The following NRXN2 variants were observed in gnomAD, a reference collection of about 807,000 sequenced individuals.
NRXN2 encodes the protein neurexin-2-beta.
Under a neutral mutation model 128.8 loss-of-function variants are expected in NRXN2, and 29 were observed. The ratio of observed to expected loss-of-function variants is 0.23; its 90% CI spans 0.17 to 0.31. The LOEUF (loss-of-function observed/expected upper bound fraction) is 0.31, where lower values mean the gene tolerates loss of function less well. NRXN2 is among the 10% of genes least tolerant of loss of function. The pLI is 1.00. For synonymous variants in NRXN2, 1,098 were observed against 1,075.2 expected (o/e 1.02, Z -0.41); for missense variants, 1,881 against 2,452.6 (o/e 0.77, Z 4.92).
chr11:64,702,650 G>A (rs1394137886), intron 2 of NRXN2, among the ~76,000 whole-genome samples: 1 of 151,738 alleles, frequency 6.6e-6, no homozygotes, highest in Non-Finnish European at 1.5e-5. Flanking sequence ...AGTACCCAGG[G>A]ACACAAACAC....
Position 64,623,109 on chromosome 11 carries a change from G to A in NRXN2, c.3848-31C>T. 6.3e-7 allele frequency: 1 copy of A among 1,578,070 alleles called. No individual in the cohort carries two copies. Among genetic ancestry groups the A allele is most frequent in the African/African-American group, 1.3e-5 (1 of 74,528 alleles). On this transcript the variant is annotated intron_variant, in intron 20 of 22. Transcript: ENST00000265459. This position sits in a 1 kb window ranked among gnomAD's most constrained non-coding sequence, Gnocchi z 4.9. ...AGGAGTGGAAGGGGGTGACAGAGAA[G>A]GGGCAGGCAGTGAGGGGAGACCAGG...
rs1259575774 is a variant in NRXN2 at position 64,713,464 on chromosome 11, TC to T, written c.235del (p.Glu79SerfsTer39). 6.5e-7 allele frequency: 1 copy of T among 1,530,756 alleles called. No individual in the cohort carries two copies. The highest frequency in any genetic ancestry group is 2.5e-5 in the East Asian group (1 of 39,258). 94.8% of individuals were successfully genotyped at this position (1,530,756 alleles called of 1,614,324 possible). A position where few individuals can be genotyped will look rare whatever the true frequency, so the allele number is the denominator to read the frequency against. On this transcript the variant is annotated frameshift_variant, in exon 2 of 23. Coordinates refer to ENST00000265459, the MANE Select transcript of NRXN2 (RefSeq NM_015080.4). LOFTEE classifies it high-confidence loss of function. ...CAGGCGGCCGTCCACCAGCAGCAGC[TC>T]CAGGAAGTCGCAGTCGCCGCCGTCG... ...LDDGGDCDFLELLLVDGRLRL... is the reference protein window; with the variant it reads ...LDDGGDCDFLXLLLVDGRLRL...
intron 7 of NRXN2, among the ~76,000 whole-genome samples, chr11:64,671,867 C>T (rs2050682405): frequency 6.6e-6 from 1 of 152,022 alleles, no homozygotes; most frequent in Admixed American, 6.6e-5. Flanking sequence ...CTCATTCCAC[C>T]ACCCATTCGC....
intron 3 of NRXN2, 154 bp from the exon 4 acceptor site, chr11:64,693,030 AACTTGTG>A (rs1340946122): frequency 2.8e-6 from 2 of 725,596 alleles, no homozygotes; most frequent in Non-Finnish European, 4.7e-6. Context: ...AACCTTTTTT[AACTTGTG>A]ACAGACATCG....
chr11:64,607,294 C>T lies in NRXN2; in HGVS notation c.5041G>A (p.Ala1681Thr). The change falls in exon 23 of 23, where the codon GCC becomes ACC. Residue 1681 changes from alanine to threonine, a missense_variant. Transcript: ENST00000265459. ...TTCACCACCGCCCCATTGCTCTGGG[C>T]CGAGTTACTGATGTAGTTTCGGCTC... is the stretch of plus-strand genomic sequence containing the variant. ...DQSRNYISNS[A>T]QSNGAVVKEK... The T allele has an allele frequency of 6.2e-7, 1 of 1,614,024 alleles. No individual in the cohort carries two copies. The highest frequency in any genetic ancestry group is 8.5e-7 in the Non-Finnish European group (1 of 1,179,958).
intron 17 of NRXN2, chr11:64,642,774 C>T: frequency 8.8e-7 from 1 of 1,141,888 alleles, no homozygotes; most frequent in East Asian, 3.7e-5. Flanking sequence ...GGCGCGGGCA[C>T]CCCCCCGGCC....
intron 2 of NRXN2, among the ~76,000 whole-genome samples, chr11:64,711,542 C>G (rs754746445): frequency 6.6e-6 from 1 of 152,084 alleles, no homozygotes; most frequent in Non-Finnish European, 1.5e-5. Context: ...CAGGACCCGC[C>G]CGCACTTCAC....
intron 5 of NRXN2, chr11:64,688,876 C>T: frequency 4.3e-6 from 4 of 929,116 alleles, no homozygotes; most frequent in Non-Finnish European, 5.1e-6. Context: ...CCTCCGCCCT[C>T]CCTACTCTCG....
intron 7 of NRXN2, among the ~76,000 whole-genome samples, chr11:64,670,465 C>T (rs1214794096): frequency 1.3e-5 from 2 of 152,066 alleles, no homozygotes; most frequent in African/African-American, 4.8e-5. Flanking sequence ...AGGGATAAGA[C>T]AGGGAGTGGG....
At chr11:64,608,981 T>TA (rs2040188172) in intron 22 of NRXN2, among the ~76,000 whole-genome samples, 1 of 151,952 alleles carries the variant, frequency 6.6e-6, no homozygotes, top group Non-Finnish European at 1.5e-5. Context: ...CTTGGAAAGC[T>TA]AATTGCAGGG....
In NRXN2 at chr11:64,615,337, G is replaced by A. The variant is rs142012858; in HGVS notation, c.4252+4957C>T. Among the ~76,000 whole-genome samples, 11 of 152,354 alleles carry A rather than the reference G, an allele frequency of 7.2e-5. No homozygotes were observed. The East Asian group carries it at 1.7e-3, about 24-fold the overall frequency. On this transcript the variant is annotated intron_variant, in intron 22 of 22. Coordinates refer to ENST00000265459, the MANE Select transcript of NRXN2 (RefSeq NM_015080.4). Reference sequence around the variant, plus strand: ...ACACTTGTTTATAACTTACATGAATGAGAAATACATTTCTATGTGTTAAAC... The same window carrying A: ...ACACTTGTTTATAACTTACATGAATAAGAAATACATTTCTATGTGTTAAAC...
chr11:64,664,043 G>A (rs189141512), intron 9 of NRXN2, among the ~76,000 whole-genome samples: 27 of 152,206 alleles, frequency 1.8e-4, no homozygotes, highest in African/African-American at 6.5e-4. Flanking sequence ...TAAGAGGAGA[G>A]GGAATAGGGA....
At chr11:64,693,625 C>A (rs1434150882) in intron 3 of NRXN2, among the ~76,000 whole-genome samples, 1 of 152,158 alleles carries the variant, frequency 6.6e-6, no homozygotes, top group Non-Finnish European at 1.5e-5. Context: ...CTCCCAGCTA[C>A]CCTTCCCAAT....
Position 64,666,871 on chromosome 11 carries a change from T to C in NRXN2, c.1798+379A>G, listed in dbSNP as rs1364789756. Among the ~76,000 whole-genome samples, 5 of 152,196 alleles carry C rather than the reference T, an allele frequency of 3.3e-5. No homozygotes were observed. The East Asian group carries it at 7.7e-4, about 24-fold the overall frequency. ...AGGCATCGCACCCGGCCGGAAGATA[T>C]ATTCTTAAAGGTGAATGGGGTATCT... On this transcript the variant is annotated intron_variant, in intron 9 of 22. Coordinates refer to ENST00000265459, the MANE Select transcript of NRXN2 (RefSeq NM_015080.4).
Position 64,630,314 on chromosome 11 carries a change from T to C in NRXN2, c.3757+88A>G. The C allele has an allele frequency of 8.1e-7, 1 of 1,235,250 alleles. No homozygotes were observed. The highest frequency in any genetic ancestry group is 1.1e-6 in the Non-Finnish European group (1 of 905,314). The allele number at this position is 1,235,250 out of a possible 1,614,324, so 76.5% of individuals were successfully genotyped here. A position where few individuals can be genotyped will look rare whatever the true frequency, so the allele number is the denominator to read the frequency against. On this transcript the variant is annotated intron_variant, in intron 19 of 22. Transcript: ENST00000265459. The surrounding 1 kb of genome is among the most constrained non-coding windows in gnomAD (Gnocchi z 4.6). ...CCGCTTAGCCCCGCCCCAGAGCCGC[T>C]TAGCCCCGCCCCGGTGCGGCCGCAC...
At chr11:64,718,864 C>A (rs2057365988) in intron 1 of NRXN2, among the ~76,000 whole-genome samples, 1 of 152,156 alleles carries the variant, frequency 6.6e-6, no homozygotes, top group Non-Finnish European at 1.5e-5. Context: ...CCTTTCCACA[C>A]CCAGCCACAA....
Position 64,630,375 on chromosome 11 carries a change from C to T in NRXN2, c.3757+27G>A, listed in dbSNP as rs886379397. 6.2e-7 allele frequency: 1 copy of T among 1,600,218 alleles called. No homozygotes were observed. Among genetic ancestry groups the T allele is most frequent in the Admixed American group, 1.7e-5 (1 of 59,684 alleles). The stretch of plus-strand genomic sequence containing the variant: ...GGCCGCCACCCGCCCCGCCACCGCG[C>T]CTCCTCCGCGGGCCCGCGCCGCCTA... On this transcript the variant is annotated intron_variant, in intron 19 of 22. Coordinates refer to ENST00000265459, the MANE Select transcript of NRXN2 (RefSeq NM_015080.4). The surrounding 1 kb of genome is among the most constrained non-coding windows in gnomAD (Gnocchi z 4.6).
chr11:64,685,925 G>A lies in NRXN2; in HGVS notation c.873C>T (p.Thr291=). The A allele has an allele frequency of 6.2e-7, 1 of 1,614,160 alleles. No homozygotes were observed. Residue 291 remains threonine, a synonymous_variant, in exon 6 of 23, where the codon ACC becomes ACT. Transcript: ENST00000265459. ...AGCAGAAGAACTCATTGCCTTTGAA[G>A]GTCGCCACAAACTCCTCCTTGCCTG... is the stretch of plus-strand genomic sequence containing the variant. The part of the protein sequence containing the change: ...PTKGKEEFVA[T]FKGNEFFCYD...
In NRXN2 at chr11:64,667,606, T is replaced by A. The variant is rs376239889; in HGVS notation, c.1442A>T (p.Asp481Val). The A allele has an allele frequency of 6.4e-5, 104 of 1,614,014 alleles. No homozygotes were observed. The East Asian group carries it at 8.7e-4, about 13-fold the overall frequency. ...CACATCCTCACAGCGGAATGACAAG[T>A]CCCCCTGCAGCTTCATCTTGGGGTC... ...EGDPKMKLQG[D>V]LSFRCEDVAA... Residue 481 changes from aspartate to valine, a missense_variant, in exon 9 of 23, where the codon GAC becomes GTC. This residue lies in a region of NRXN2 where 997 missense variants were observed against 1,240.8 expected (regional missense o/e 0.80). Transcript: ENST00000265459. The surrounding 1 kb of genome is among the most constrained non-coding windows in gnomAD (Gnocchi z 5.6).
Sources: allele counts gnomAD v4.1 joint callset (sites outside exome capture counted in the v4.1 genomes callset), GRCh38; gene constraint gnomAD v4.1.1; regional missense constraint gnomAD v4.1.1; non-coding constraint Gnocchi (gnomAD v3.1); transcripts MANE v1.5; gene names NCBI Gene and HGNC (gene_info 2026-07-23, HGNC 2026-07-21).